TRIM24: variants seen among roughly 807,000 people sequenced by gnomAD.
TRIM24 encodes the protein transcription intermediary factor 1-alpha.
A neutral mutation model predicts 123.9 loss-of-function variants in TRIM24; 29 were observed. The observed-to-expected ratio is 0.23, with a 90% CI of 0.17 to 0.32. The LOEUF is 0.32. Ranked by LOEUF, TRIM24 falls within the 10% of genes least tolerant of loss-of-function variation. TRIM24 has a pLI of 1.00. For synonymous variants in TRIM24, 456 were observed against 461.1 expected, an observed-to-expected ratio of 0.99 and a Z score of 0.14; for missense variants, 932 against 1,295.3, an observed-to-expected ratio of 0.72 and a Z score of 4.31.
At chr7:138,562,283 G>A (rs1797443424) in intron 9 of TRIM24, among the ~76,000 whole-genome samples, 1 of 152,078 alleles carries the variant, frequency 6.6e-6, no homozygotes, top group Non-Finnish European at 1.5e-5. Flanking sequence ...ACTGCGACTC[G>A]CCCCATTTGC....
intron 1 of TRIM24, among the ~76,000 whole-genome samples, chr7:138,489,507 A>G (rs1411418183): frequency 6.6e-6 from 1 of 152,144 alleles, no homozygotes; most frequent in Non-Finnish European, 1.5e-5. Context: ...TTCCATGTTT[A>G]GTGCTTCCTT....
Position 138,460,798 on chromosome 7 carries a change from G to T in TRIM24, c.250G>T (p.Ala84Ser). The T allele has an allele frequency of 6.3e-7, 1 of 1,581,796 alleles. No homozygotes were observed. Among genetic ancestry groups the T allele is most frequent in the South Asian group, 1.1e-5 (1 of 88,040 alleles). The change falls in exon 1 of 19, where the codon GCG becomes TCG. Residue 84 changes from alanine to serine, a missense_variant. Ala to Ser is a moderately conservative substitution (Grantham distance 99). This residue lies in a region of TRIM24 where 164 missense variants were observed against 181.9 expected (regional missense o/e 0.90). Coordinates refer to ENST00000343526, the MANE Select transcript of TRIM24 (RefSeq NM_015905.3). The part of the protein sequence containing the change: ...LHSFCQRCLP[A>S]PQRYLMLPAP... ...CTCTTTCTGCCAGCGCTGCCTGCCC[G>T]CGCCCCAGCGCTACCTCATGCTGCC...
At chr7:138,481,259 AT>A (rs140685685) in intron 1 of TRIM24, among the ~76,000 whole-genome samples, 1 of 150,762 alleles carries the variant, frequency 6.6e-6, no homozygotes, top group Non-Finnish European at 1.5e-5. Context: ...CCAAGTTATT[AT>A]TTTTTTTATG....
intron 2 of TRIM24, among the ~76,000 whole-genome samples, chr7:138,508,875 G>A (rs753019394): frequency 1.7e-4 from 26 of 152,094 alleles, no homozygotes; most frequent in Non-Finnish European, 2.9e-4. Context: ...GGAGACCACA[G>A]TATGGTACGG....
chr7:138,508,708 C>CGTGTGTGTGTGCGCGT (rs1796215254), intron 2 of TRIM24, among the ~76,000 whole-genome samples: 3 of 136,286 alleles, frequency 2.2e-5, no homozygotes, highest in South Asian at 2.5e-4. Context: ...CGCGTGTGTG[C>CGTGTGTGTGTGCGCGT]GTGTGTGTGT....
intron 1 of TRIM24, among the ~76,000 whole-genome samples, chr7:138,466,767 G>C (rs1204948129): frequency 2.0e-5 from 3 of 151,728 alleles, no homozygotes; most frequent in East Asian, 3.9e-4. Flanking sequence ...TCATTTTCTT[G>C]GTGTCTTTTG....
chr7:138,554,911 G>T lies in TRIM24; in HGVS notation c.1475G>T (p.Gly492Val). ...QQVQRRPAPVGLPNPRMQGPI... is the reference protein window; with the variant it reads ...QQVQRRPAPVVLPNPRMQGPI... ...GTGCAACGGAGGCCAGCACCTGTGGGTTTACCAAACCCTAGAATGCAGGGG... is the reference window on the plus strand; with the variant it reads ...GTGCAACGGAGGCCAGCACCTGTGGTTTTACCAAACCCTAGAATGCAGGGG... The change falls in exon 9 of 19, where the codon GGT becomes GTT. Residue 492 changes from glycine to valine, a missense_variant. Transcript: ENST00000343526. This position sits in a 1 kb window ranked among gnomAD's most constrained non-coding sequence, Gnocchi z 4.5. The T allele has an allele frequency of 1.2e-6, 2 of 1,614,146 alleles. No individual in the cohort carries two copies. Among genetic ancestry groups the T allele is most frequent in the Non-Finnish European group, 1.7e-6 (2 of 1,180,004 alleles).
chr7:138,470,036 C>T (rs1210777338), intron 1 of TRIM24, among the ~76,000 whole-genome samples: 4 of 152,042 alleles, frequency 2.6e-5, no homozygotes, highest in South Asian at 4.1e-4. Flanking sequence ...ACTGTATAAC[C>T]TATCTTAACT....
At chr7:138,551,004 T>C in intron 7 of TRIM24, 59 bp from the exon 8 acceptor site, 1 of 1,392,224 alleles carries the variant, frequency 7.2e-7, no homozygotes. Context: ...TTTGTATATT[T>C]ACTGGGCGCT....
chr7:138,547,533 A>T (rs1157164260), intron 7 of TRIM24, among the ~76,000 whole-genome samples: 1 of 152,212 alleles, frequency 6.6e-6, no homozygotes, highest in African/African-American at 2.4e-5. Flanking sequence ...AATGCTTTTT[A>T]AAAATAAATT....
At chr7:138,465,416 G>GTAC (rs1000826053) in intron 1 of TRIM24, among the ~76,000 whole-genome samples, 1 of 152,164 alleles carries the variant, frequency 6.6e-6, no homozygotes, top group Non-Finnish European at 1.5e-5. Context: ...TGTTGTTAAC[G>GTAC]TACTGTTCAG....
Position 138,460,678 on chromosome 7 carries a change from G to T in TRIM24, c.130G>T (p.Gly44Cys), listed in dbSNP as rs751340675. ...ESRQGPDSERGGEAARLNLLD... is the reference protein window; with the variant it reads ...ESRQGPDSERCGEAARLNLLD... The stretch of plus-strand genomic sequence containing the variant: ...TCGGCAGGGCCCGGACTCGGAGCGC[G>T]GCGGCGAGGCGGCCCGGCTCAACCT... Residue 44 changes from glycine (G) to cysteine (C), a missense_variant, in exon 1 of 19, where the codon GGC becomes TGC. By Grantham distance (159) the Gly-to-Cys change is radical (BLOSUM62 -3). This residue lies in a region of TRIM24 where 164 missense variants were observed against 181.9 expected (regional missense o/e 0.90). Coordinates refer to ENST00000343526, the MANE Select transcript of TRIM24 (RefSeq NM_015905.3). 1 of 1,522,482 alleles carries T rather than the reference G, an allele frequency of 6.6e-7. No individual in the cohort carries two copies. Among genetic ancestry groups the T allele is most frequent in the South Asian group, 1.2e-5 (1 of 81,456 alleles). The allele number at this position is 1,522,482 out of a possible 1,614,324, so 94.3% of individuals were successfully genotyped here.
In TRIM24 at chr7:138,554,910, G is replaced by A. The variant is rs146486738; in HGVS notation, c.1474G>A (p.Gly492Ser). Residue 492 changes from glycine (G) to serine (S), a missense_variant, in exon 9 of 19, where the codon GGT becomes AGT. Coordinates refer to ENST00000343526, the MANE Select transcript of TRIM24 (RefSeq NM_015905.3). This position sits in a 1 kb window ranked among gnomAD's most constrained non-coding sequence, Gnocchi z 4.5. ...QQVQRRPAPV[G>S]LPNPRMQGPI... Reference sequence around the variant, plus strand: ...GGTGCAACGGAGGCCAGCACCTGTGGGTTTACCAAACCCTAGAATGCAGGG... The same window carrying A: ...GGTGCAACGGAGGCCAGCACCTGTGAGTTTACCAAACCCTAGAATGCAGGG... The A allele has an allele frequency of 2.5e-6, 4 of 1,614,158 alleles. No homozygotes were observed. Among genetic ancestry groups the A allele is most frequent in the Non-Finnish European group, 3.4e-6 (4 of 1,180,010 alleles).
intron 12 of TRIM24, 43 bp from the exon 13 acceptor site, chr7:138,576,310 CAACAGGACTTCAATGCATAA>C: frequency 6.9e-7 from 1 of 1,452,038 alleles, no homozygotes; most frequent in East Asian, 2.3e-5. Flanking sequence ...TGAACACATT[CAACAGGACTTCAATGCATAA>C]TTATTCATTC....
chr7:138,562,689 G>A (rs1454931523), intron 9 of TRIM24, among the ~76,000 whole-genome samples: 9 of 152,264 alleles, frequency 5.9e-5, no homozygotes, highest in South Asian at 2.1e-4. Flanking sequence ...TAGCCAGCCC[G>A]GGTGGGTTAT....
At chr7:138,461,723 TAC>T (rs1430592262) in intron 1 of TRIM24, among the ~76,000 whole-genome samples, 1 of 152,220 alleles carries the variant, frequency 6.6e-6, no homozygotes, top group African/African-American at 2.4e-5. Flanking sequence ...TAAGTTTGAG[TAC>T]AGTTTCGGGT....
chr7:138,510,193 A>G (rs1048298996), intron 2 of TRIM24, among the ~76,000 whole-genome samples: 1 of 152,246 alleles, frequency 6.6e-6, no homozygotes, highest in Non-Finnish European at 1.5e-5. Flanking sequence ...CTGACATTGC[A>G]TTCTCCTTCC....
intron 12 of TRIM24, among the ~76,000 whole-genome samples, chr7:138,575,718 CT>C (rs1563066357): frequency 6.6e-6 from 1 of 151,608 alleles, no homozygotes; most frequent in African/African-American, 2.4e-5. Context: ...AACAGTTTTC[CT>C]TCTTTCTTGG....
In TRIM24 at chr7:138,585,476, T is replaced by C. The variant is rs927161210; in HGVS notation, c.*525T>C. The stretch of plus-strand genomic sequence containing the variant: ...AACATGGGTGGTAACAAGAGTTCCA[T>C]CCCAGGAGGCCAAACGGTGCAACAG... On this transcript the variant is annotated 3_prime_UTR_variant, in exon 19 of 19. Transcript: ENST00000343526. The C allele has an allele frequency of 6.6e-6, 2 of 303,724 alleles. No homozygotes were observed. Among genetic ancestry groups the C allele is most frequent in the Admixed American group, 1.0e-4 (2 of 19,976 alleles). 18.8% of individuals were successfully genotyped at this position (303,724 alleles called of 1,614,324 possible).
Sources: allele counts gnomAD v4.1 joint callset (sites outside exome capture counted in the v4.1 genomes callset), GRCh38; gene constraint gnomAD v4.1.1; regional missense constraint gnomAD v4.1.1; non-coding constraint Gnocchi (gnomAD v3.1); transcripts MANE v1.5; gene names NCBI Gene and HGNC (gene_info 2026-07-23, HGNC 2026-07-21).